HDAC9: variants seen among roughly 807,000 people sequenced by gnomAD.
HDAC9 encodes MEF-2 interacting transcription repressor (MITR) protein.
Under a neutral mutation model 139.4 loss-of-function variants are expected in HDAC9, and 41 were observed. That is an observed-to-expected ratio of 0.29 (90% CI 0.23 to 0.38). The LOEUF is 0.38. HDAC9 is among the 10% of genes least tolerant of loss of function. HDAC9 has a pLI of 1.00. For missense variants in HDAC9, 1,147 were observed against 1,297.0 expected, an observed-to-expected ratio of 0.88 and a Z score of 1.78; for synonymous variants, 517 against 476.2, an observed-to-expected ratio of 1.09 and a Z score of -1.12.
chr7:18,354,406 T>G (rs2128678409), intron 1 of HDAC9, among the ~76,000 whole-genome samples: 1 of 152,298 alleles, frequency 6.6e-6, no homozygotes, highest in South Asian at 2.1e-4. Flanking sequence ...ATTAACACAC[T>G]TTGCTATTTA....
At chr7:18,407,990 C>T (rs1788171456) in intron 1 of HDAC9, among the ~76,000 whole-genome samples, 1 of 152,046 alleles carries the variant, frequency 6.6e-6, no homozygotes, top group African/African-American at 2.4e-5. Context: ...AATTGTGTGT[C>T]GATGGACAAA....
At chr7:18,924,399 G>A (rs1221158825) in intron 22 of HDAC9, among the ~76,000 whole-genome samples, 1 of 152,064 alleles carries the variant, frequency 6.6e-6, no homozygotes, top group African/African-American at 2.4e-5. Context: ...ATGGTTGCTT[G>A]TAACTTACAA....
At chr7:18,180,957 C>G (rs1789374439) in intron 2 of HDAC9, among the ~76,000 whole-genome samples, 1 of 152,128 alleles carries the variant, frequency 6.6e-6, no homozygotes. Context: ...CAGTCTTTGC[C>G]TTTGGGGTCA....
At chr7:18,559,592 C>T (rs897906644) in intron 2 of HDAC9, among the ~76,000 whole-genome samples, 3 of 152,062 alleles carry the variant, frequency 2.0e-5, no homozygotes, top group Admixed American at 6.5e-5. Context: ...TCTCTTTGAC[C>T]GGTTTTACTG....
intron 25 of HDAC9, among the ~76,000 whole-genome samples, chr7:18,986,482 T>C (rs1161196587): frequency 1.7e-5 from 2 of 115,026 alleles, no homozygotes; most frequent in African/African-American, 3.2e-5. Context: ...AGCCTTGTAG[T>C]ATAGTTTGAA....
chr7:18,249,204 C>A (rs976799807), intron 2 of HDAC9, among the ~76,000 whole-genome samples: 1 of 151,946 alleles, frequency 6.6e-6, no homozygotes, highest in African/African-American at 2.4e-5. Flanking sequence ...ATAATATTTT[C>A]ATAAAATCTT....
At chr7:18,147,481 C>T (rs927924614) in intron 1 of HDAC9, among the ~76,000 whole-genome samples, 4 of 151,980 alleles carry the variant, frequency 2.6e-5, no homozygotes, top group African/African-American at 9.7e-5. Flanking sequence ...TTTGCTTGTT[C>T]GCTGGTGGAC....
rs1349862143 is a variant in HDAC9, at chr7:18,183,267, C to T, written c.25+20918C>T. On this transcript the variant is annotated intron_variant, in intron 2 of 12. Transcript: ENST00000417496. ...CTCGTGATCCGCCCGCCTCGGCCTC[C>T]CAAAGTGCTGGGATTACAGGCGTGA... Among the ~76,000 whole-genome samples, 6 of 152,284 alleles carry T rather than the reference C, an allele frequency of 3.9e-5. No individual in the cohort carries two copies. The East Asian group carries it at 7.7e-4, about 20-fold the overall frequency.
intron 11 of HDAC9, among the ~76,000 whole-genome samples, chr7:18,655,671 C>A (rs557464155): frequency 4.1e-4 from 62 of 152,298 alleles, no homozygotes; most frequent in African/African-American, 1.4e-3. Flanking sequence ...GATTAATGTG[C>A]AGCATTCATA....
At chr7:18,086,984 G>T (rs1303778559) in exon 1 of HDAC9, 1 of 148,918 alleles carries the variant, frequency 6.7e-6, no homozygotes. Context: ...CGCGCCCGCC[G>T]CTCTCGCCGC....
intron 1 of HDAC9, among the ~76,000 whole-genome samples, chr7:18,137,686 G>A (rs1785533351): frequency 6.6e-6 from 1 of 151,544 alleles, no homozygotes; most frequent in African/African-American, 2.4e-5. Flanking sequence ...GCTTTTTGAT[G>A]TGCTGCTGGA....
intron 1 of HDAC9, among the ~76,000 whole-genome samples, chr7:18,429,743 T>C (rs879775823): frequency 6.6e-6 from 1 of 152,216 alleles, no homozygotes; most frequent in Admixed American, 6.5e-5. Context: ...ATTCAAAATT[T>C]CTTTGAAACG....
chr7:18,243,757 C>A (rs1395714011), intron 2 of HDAC9, among the ~76,000 whole-genome samples: 1 of 152,200 alleles, frequency 6.6e-6, no homozygotes, highest in African/African-American at 2.4e-5. Flanking sequence ...CAATAAAATG[C>A]AGCTTAGTTA....
At chr7:18,121,657 T>A (rs761448315) in intron 1 of HDAC9, among the ~76,000 whole-genome samples, 22 of 152,058 alleles carry the variant, frequency 1.4e-4, no homozygotes, top group Non-Finnish European at 2.8e-4. Flanking sequence ...ATGTGCTCAG[T>A]GTGGCAGTCA....
intron 1 of HDAC9, among the ~76,000 whole-genome samples, chr7:18,360,667 T>C (rs1412815626): frequency 1.3e-5 from 2 of 152,330 alleles, no homozygotes; most frequent in East Asian, 3.9e-4. Flanking sequence ...ATATATTCCT[T>C]TCATTTAGTT....
At chr7:18,618,535 A>G (rs538061332) in intron 6 of HDAC9, among the ~76,000 whole-genome samples, 1 of 151,878 alleles carries the variant, frequency 6.6e-6, no homozygotes, top group Non-Finnish European at 1.5e-5. Context: ...CCTATCAAGC[A>G]CTGGGATGCA....
At chr7:18,128,527 G>A (rs1353739298) in intron 1 of HDAC9, among the ~76,000 whole-genome samples, 1 of 152,030 alleles carries the variant, frequency 6.6e-6, no homozygotes, top group African/African-American at 2.4e-5. Flanking sequence ...ACCTTTCTCA[G>A]AACTGCTTCT....
At chr7:18,889,664 C>T (rs983137032) in intron 22 of HDAC9, among the ~76,000 whole-genome samples, 1 of 152,116 alleles carries the variant, frequency 6.6e-6, no homozygotes, top group Non-Finnish European at 1.5e-5. Flanking sequence ...GTATATACAC[C>T]TTTATAGGAC....
At chr7:18,722,462 A>T (rs1022915441) in intron 12 of HDAC9, among the ~76,000 whole-genome samples, 1 of 152,184 alleles carries the variant, frequency 6.6e-6, no homozygotes, top group Non-Finnish European at 1.5e-5. Flanking sequence ...AGAGAGAAGC[A>T]TGCTCTTTCA....
Sources: allele counts gnomAD v4.1 joint callset (sites outside exome capture counted in the v4.1 genomes callset), GRCh38; gene constraint gnomAD v4.1.1; transcripts MANE v1.5; gene names NCBI Gene and HGNC (gene_info 2026-07-23, HGNC 2026-07-21).